MCTP1: variants seen among roughly 807,000 people sequenced by gnomAD.
MCTP1 encodes the protein multiple C2 and transmembrane domain containing 1.
A neutral mutation model predicts 120.6 loss-of-function variants in MCTP1; 69 were observed. The ratio of observed to expected loss-of-function variants is 0.57; its 90% CI spans 0.47 to 0.70. The LOEUF is 0.70. MCTP1 is among the 30% of genes least tolerant of loss of function. The pLI, the probability that MCTP1 is intolerant of heterozygous loss-of-function variation, is 0.00. For synonymous variants in MCTP1, 529 were observed against 493.1 expected (o/e 1.07, Z -0.96); for missense variants, 1,203 against 1,248.8 (o/e 0.96, Z 0.55).
chr5:94,821,134 A>G (rs1561691774), intron 17 of MCTP1, among the ~76,000 whole-genome samples: 1 of 152,190 alleles, frequency 6.6e-6, no homozygotes, highest in Non-Finnish European at 1.5e-5. Flanking sequence ...ACGGAACTGC[A>G]TTTTGGTGTT....
At position 95,207,891 on chromosome 5, in the gene MCTP1, T is replaced by C. The variant is rs564352295; in HGVS notation, c.720+75965A>G. Among the ~76,000 whole-genome samples, 120 of 143,058 alleles carry C rather than the reference T, an allele frequency of 8.4e-4. 1 individual carries two copies. Among genetic ancestry groups the C allele is most frequent in the Non-Finnish European group, 1.1e-3 (75 of 66,702 alleles). The allele number at this position is 143,058 out of a possible 152,430, so 93.9% of individuals were successfully genotyped here. A position where few individuals can be genotyped will look rare whatever the true frequency, so the allele number is the denominator to read the frequency against. On this transcript the variant is annotated intron_variant, in intron 1 of 22. Transcript: ENST00000515393. Reference sequence around the variant, plus strand: ...AGAAAGCACAACTGCAGCAGTCACTTTGTAACAAATCCAAAATGAAAAAAA... The same window carrying C: ...AGAAAGCACAACTGCAGCAGTCACTCTGTAACAAATCCAAAATGAAAAAAA...
intron 1 of MCTP1, among the ~76,000 whole-genome samples, chr5:95,212,804 A>C (rs1459015846): frequency 2.6e-5 from 4 of 152,184 alleles, no homozygotes; most frequent in African/African-American, 9.7e-5. Context: ...CCTTTGAAAA[A>C]ATTCAACAAC....
intron 1 of MCTP1, among the ~76,000 whole-genome samples, chr5:95,086,574 G>C (rs1755456860): frequency 6.6e-6 from 1 of 152,154 alleles, no homozygotes; most frequent in African/African-American, 2.4e-5. Flanking sequence ...GATATAGTAA[G>C]ACCTTGAACT....
intron 19 of MCTP1, among the ~76,000 whole-genome samples, chr5:94,736,158 A>T (rs1764188030): frequency 1.3e-5 from 2 of 152,214 alleles, no homozygotes; most frequent in South Asian, 4.1e-4. Flanking sequence ...CACCACTATC[A>T]CTTACAATAT....
At chr5:94,812,114 G>A (rs1048878145) in intron 17 of MCTP1, among the ~76,000 whole-genome samples, 1 of 152,080 alleles carries the variant, frequency 6.6e-6, no homozygotes, top group Non-Finnish European at 1.5e-5. Flanking sequence ...GATTTACTGT[G>A]ATCAATTTTC....
intron 1 of MCTP1, among the ~76,000 whole-genome samples, chr5:95,057,873 G>A (rs2152069833): frequency 6.6e-6 from 1 of 152,266 alleles, no homozygotes; most frequent in East Asian, 1.9e-4. Flanking sequence ...GACATGATGA[G>A]ACCTAGATAA....
At chr5:94,826,589 T>C in intron 17 of MCTP1, 1 of 754,176 alleles carries the variant, frequency 1.3e-6, no homozygotes, top group Non-Finnish European at 2.4e-6. Flanking sequence ...TTGGGCAAAC[T>C]TCTTTCTCAG....
intron 7 of MCTP1, among the ~76,000 whole-genome samples, 155 bp from the exon 8 acceptor site, chr5:94,918,128 A>T (rs1373245212): frequency 2.6e-5 from 4 of 152,228 alleles, no homozygotes; most frequent in African/African-American, 9.6e-5. Flanking sequence ...GTCTTATAGC[A>T]CAATGAAGAT....
intron 1 of MCTP1, among the ~76,000 whole-genome samples, chr5:95,118,556 A>G (rs949545186): frequency 2.0e-5 from 3 of 152,214 alleles, no homozygotes; most frequent in Admixed American, 6.5e-5. Flanking sequence ...CATTGAACAT[A>G]AATGGACAAA....
intron 2 of MCTP1, among the ~76,000 whole-genome samples, chr5:95,007,023 T>C (rs192520093): frequency 1.3e-5 from 2 of 152,206 alleles, no homozygotes; most frequent in Admixed American, 6.5e-5. Flanking sequence ...AGAAGTGTAA[T>C]TGACTCATAG....
intron 1 of MCTP1, among the ~76,000 whole-genome samples, chr5:95,054,621 C>G (rs865940871): frequency 3.3e-5 from 5 of 152,126 alleles, no homozygotes; most frequent in Non-Finnish European, 5.9e-5. Context: ...AGAGGTCCCC[C>G]CTACAACACA....
chr5:94,743,477 G>C (rs1396471407), intron 19 of MCTP1, among the ~76,000 whole-genome samples: 3 of 152,256 alleles, frequency 2.0e-5, no homozygotes, highest in Non-Finnish European at 4.4e-5. Flanking sequence ...TGCCAACAAG[G>C]AGCTATCCGA....
intron 1 of MCTP1, among the ~76,000 whole-genome samples, chr5:95,046,315 A>G (rs1205932248): frequency 6.6e-6 from 1 of 152,198 alleles, no homozygotes; most frequent in Admixed American, 6.5e-5. Context: ...GAACAAAGCT[A>G]TGGTCAACTA....
chr5:95,260,559 C>G (rs1758382799), intron 1 of MCTP1, among the ~76,000 whole-genome samples: 1 of 151,862 alleles, frequency 6.6e-6, no homozygotes, highest in African/African-American at 2.4e-5. Context: ...GGTGAATCCT[C>G]CATAGTCTGG....
intron 5 of MCTP1, among the ~76,000 whole-genome samples, chr5:94,935,450 GGACT>G (rs1324270338): frequency 2.6e-5 from 4 of 151,946 alleles, no homozygotes; most frequent in Admixed American, 6.6e-5. Flanking sequence ...GTAATGCTAA[GGACT>G]CTCTACTTCC....
chr5:94,846,372 C>T lies in MCTP1; in HGVS notation c.2436+21961G>A, dbSNP rs1029851861. Among the ~76,000 whole-genome samples the T allele has an allele frequency of 3.9e-5, 6 of 152,152 alleles. No homozygotes were observed. The East Asian group carries it at 1.2e-3, about 29-fold the overall frequency. On this transcript the variant is annotated intron_variant, in intron 17 of 22. Transcript: ENST00000515393. ...GAAGCAACATGGATGGAGCTGGAGGCCATTATCCTCAGCAAACTAACAAAG... is the reference window on the plus strand; with the variant it reads ...GAAGCAACATGGATGGAGCTGGAGGTCATTATCCTCAGCAAACTAACAAAG...
At chr5:95,041,311 GAAAAAAAAAAAAAA>G (rs58379749) in intron 1 of MCTP1, among the ~76,000 whole-genome samples, 5 of 89,816 alleles carry the variant, frequency 5.6e-5, no homozygotes, top group Non-Finnish European at 1.1e-4. Flanking sequence ...CCCATGCTCT[GAAAAAAAAAAAAAA>G]AAAAAAGAAA....
At chr5:94,789,684 A>T (rs1419884754) in intron 18 of MCTP1, 1 of 152,192 alleles carries the variant, frequency 6.6e-6, no homozygotes, top group Non-Finnish European at 1.5e-5. Context: ...TTGACTAAAC[A>T]TTCTGCATGC....
At chr5:94,733,071 C>T (rs572606401) in intron 19 of MCTP1, among the ~76,000 whole-genome samples, 1 of 152,182 alleles carries the variant, frequency 6.6e-6, no homozygotes, top group South Asian at 2.1e-4. Flanking sequence ...TTATCATTCT[C>T]ATCTACTTTA....
Sources: gnomAD v4.1 joint callset for allele counts (sites outside exome capture counted in the v4.1 genomes callset) on GRCh38, gnomAD v4.1.1 for gene constraint, MANE v1.5 for transcripts, NCBI Gene and HGNC (gene_info 2026-07-23, HGNC 2026-07-21) for gene names.